Variants in RIMOC1 observed in about 807,000 individuals in gnomAD.
The protein encoded by RIMOC1 is RAB7A-interacting MON1-CCZ1 complex subunit 1.
the RIMOC1 span, chr5:41,904,368 A>C: frequency 9.9e-6 from 16 of 1,612,774 alleles, 1 homozygote; most frequent in South Asian, 3.3e-5. Context: ...GATTGTGGCC[A>C]TGGCGGCCGC....
chr5:41,917,582 A>C, the RIMOC1 span: 1 of 1,016,906 alleles, frequency 9.8e-7, no homozygotes, highest in Non-Finnish European at 1.2e-6. Context: ...TTAGCTTTAC[A>C]AAGATTTTTT....
At chr5:41,913,621 ATG>A in the RIMOC1 span, among the ~76,000 whole-genome samples, 1 of 152,208 alleles carries the variant, frequency 6.6e-6, no homozygotes, top group Admixed American at 6.5e-5. Context: ...AAAAAATGAA[ATG>A]TGAAGAATAA....
the RIMOC1 span, among the ~76,000 whole-genome samples, chr5:41,907,126 T>C: frequency 6.6e-6 from 1 of 152,184 alleles, no homozygotes; most frequent in Non-Finnish European, 1.5e-5. Context: ...AGAGGACTTA[T>C]TAGAAGTATT....
the RIMOC1 span, among the ~76,000 whole-genome samples, chr5:41,911,596 G>A: frequency 2.0e-5 from 3 of 152,060 alleles, no homozygotes; most frequent in Admixed American, 2.0e-4. Context: ...TCCAAAATAT[G>A]AGTCTTGGTA....
the RIMOC1 span, chr5:41,918,041 G>C: frequency 1.0e-6 from 1 of 985,412 alleles, no homozygotes. Context: ...ATAACATACT[G>C]AAATTTTAAT....
At chr5:41,904,382 C>G in the RIMOC1 span, 42 of 1,613,616 alleles carry the variant, frequency 2.6e-5, no homozygotes, top group Admixed American at 5.5e-4. Context: ...CGGCCGCAGT[C>G]TCTAGTGTGG....
the RIMOC1 span, among the ~76,000 whole-genome samples, chr5:41,908,727 T>C: frequency 6.6e-6 from 1 of 152,142 alleles, no homozygotes; most frequent in Non-Finnish European, 1.5e-5. Flanking sequence ...TTTTATGTCA[T>C]CTCATTTTTT....
chr5:41,918,007 T>C, the RIMOC1 span: 2 of 985,370 alleles, frequency 2.0e-6, no homozygotes, highest in African/African-American at 3.5e-5. Context: ...CATTAGTTCA[T>C]ATGTTTTTGT....
the RIMOC1 span, chr5:41,919,005 C>CT: frequency 1.9e-3 from 279 of 146,104 alleles, 1 homozygote; most frequent in Middle Eastern, 7.1e-3. Context: ...CTCTCTCTCT[C>CT]TTTTTTTTTT....
chr5:41,916,036 T>A, the RIMOC1 span, among the ~76,000 whole-genome samples: 1 of 152,260 alleles, frequency 6.6e-6, no homozygotes, highest in Non-Finnish European at 1.5e-5. Context: ...TGAATCATAT[T>A]AGGTGAACAA....
At chr5:41,918,318 T>C in the RIMOC1 span, 3 of 985,684 alleles carry the variant, frequency 3.0e-6, no homozygotes, top group African/African-American at 5.2e-5. Flanking sequence ...TTCAGTTTTT[T>C]CACTTCCTTA....
the RIMOC1 span, chr5:41,909,795 A>T: frequency 1.9e-6 from 3 of 1,589,944 alleles, no homozygotes; most frequent in East Asian, 2.3e-5. Context: ...GTAGATGAAG[A>T]TTTTCCTGAA....
At chr5:41,912,567 A>G in the RIMOC1 span, among the ~76,000 whole-genome samples, 1 of 152,200 alleles carries the variant, frequency 6.6e-6, no homozygotes, top group African/African-American at 2.4e-5. Context: ...GAAACTTACA[A>G]TCATGGTGGA....
chr5:41,917,868 T>C, the RIMOC1 span: 1 of 786,380 alleles, frequency 1.3e-6, no homozygotes, highest in East Asian at 1.3e-4. Context: ...TTACTAATTG[T>C]ATTTAAAATT....
At chr5:41,910,216 TC>T in the RIMOC1 span, among the ~76,000 whole-genome samples, 3 of 152,110 alleles carry the variant, frequency 2.0e-5, no homozygotes, top group African/African-American at 7.2e-5. Flanking sequence ...AATTACCACG[TC>T]TGTTCTTACA....
At chr5:41,918,623 A>T in the RIMOC1 span, 6 of 985,262 alleles carry the variant, frequency 6.1e-6, no homozygotes, top group African/African-American at 1.0e-4. Context: ...AAGTAGAATC[A>T]CTACAAGTGT....
the RIMOC1 span, chr5:41,918,806 A>G: frequency 2.8e-5 from 27 of 959,296 alleles, no homozygotes; most frequent in Non-Finnish European, 3.3e-5. Context: ...GAGACTATGA[A>G]GAGGTCAACT....
the RIMOC1 span, among the ~76,000 whole-genome samples, chr5:41,909,509 G>A: frequency 6.6e-6 from 1 of 151,790 alleles, no homozygotes; most frequent in Non-Finnish European, 1.5e-5. Flanking sequence ...CTTTTTTGAG[G>A]GAAAGAAAGA....
At chr5:41,909,720 A>T in the RIMOC1 span, 1 of 1,435,932 alleles carries the variant, frequency 7.0e-7, no homozygotes, top group African/African-American at 1.5e-5. Flanking sequence ...TCATTGATAG[A>T]TATCTTTCTT....
Sources: gnomAD v4.1 joint callset for allele counts (sites outside exome capture counted in the v4.1 genomes callset) on GRCh38, gnomAD v4.1.1 for gene constraint, MANE v1.5 for transcripts, NCBI Gene and HGNC (gene_info 2026-07-23, HGNC 2026-07-21) for gene names.